The following PXDNL variants were observed in gnomAD, a reference collection of about 807,000 sequenced individuals.
PXDNL encodes peroxidasin like, also known as probable oxidoreductase PXDNL.
In PXDNL, 145 loss-of-function variants were observed where a neutral mutation model predicts 150.8. The ratio of observed to expected loss-of-function variants is 0.96; its 90% CI spans 0.84 to 1.10. The LOEUF is 1.10. PXDNL is among the 50% of genes least tolerant of loss of function. The pLI is 0.00. For synonymous variants in PXDNL, 757 were observed against 725.7 expected (o/e 1.04, Z -0.69); for missense variants, 2,087 against 1,873.9 (o/e 1.11, Z -2.10).
chr8:51,377,907 G>C (rs1217829301), intron 17 of PXDNL, among the ~76,000 whole-genome samples: 1 of 152,252 alleles, frequency 6.6e-6, no homozygotes, highest in Non-Finnish European at 1.5e-5. Context: ...AGGAGTGCAG[G>C]AGCAGAGCAG....
intron 1 of PXDNL, among the ~76,000 whole-genome samples, chr8:51,660,333 C>G (rs1202051495): frequency 1.3e-5 from 2 of 152,216 alleles, no homozygotes; most frequent in Admixed American, 1.3e-4. Flanking sequence ...CAAGTCTGAA[C>G]TTGAGCCCCT....
intron 12 of PXDNL, among the ~76,000 whole-genome samples, 165 bp from the exon 13 acceptor site, chr8:51,426,923 G>A (rs1809120558): frequency 6.6e-6 from 1 of 152,156 alleles, no homozygotes; most frequent in Non-Finnish European, 1.5e-5. Flanking sequence ...ATCACACCCA[G>A]GCTGGCGGCA....
chr8:51,400,675 T>C (rs1445765572), intron 17 of PXDNL, among the ~76,000 whole-genome samples: 1 of 152,202 alleles, frequency 6.6e-6, no homozygotes, highest in Non-Finnish European at 1.5e-5. Context: ...TGCAGGTCTA[T>C]AGTGTTGACA....
At chr8:51,781,207 G>T (rs1230199776) in intron 1 of PXDNL, among the ~76,000 whole-genome samples, 4 of 152,086 alleles carry the variant, frequency 2.6e-5, no homozygotes, top group Non-Finnish European at 4.4e-5. Flanking sequence ...TAAATCAGAA[G>T]GCTGTTTCCT....
intron 20 of PXDNL, among the ~76,000 whole-genome samples, chr8:51,340,417 A>G (rs1037138462): frequency 6.6e-6 from 1 of 152,256 alleles, no homozygotes; most frequent in Non-Finnish European, 1.5e-5. Flanking sequence ...ATTGTTAAAA[A>G]TATTTTTAGA....
At chr8:51,682,761 A>T (rs1815780569) in intron 1 of PXDNL, among the ~76,000 whole-genome samples, 1 of 152,118 alleles carries the variant, frequency 6.6e-6, no homozygotes, top group Non-Finnish European at 1.5e-5. Flanking sequence ...AGAGAGAGAG[A>T]AAGTTGTATG....
intron 2 of PXDNL, among the ~76,000 whole-genome samples, chr8:51,644,970 C>T (rs991516951): frequency 6.6e-6 from 1 of 150,744 alleles, no homozygotes; most frequent in South Asian, 2.1e-4. Context: ...TACATGGAGA[C>T]ATAAAAGAGA....
chr8:51,420,887 A>G (rs11783981), intron 14 of PXDNL, among the ~76,000 whole-genome samples: 82,147 of 152,002 alleles, frequency 0.54, 26,172 homozygotes, highest in Non-Finnish European at 0.7. Flanking sequence ...ACAGGGTTTC[A>G]CTATGTTGGC....
At chr8:51,326,475 G>A (rs2130622938) in intron 21 of PXDNL, among the ~76,000 whole-genome samples, 1 of 152,308 alleles carries the variant, frequency 6.6e-6, no homozygotes, top group South Asian at 2.1e-4. Context: ...TCTAGCCTGG[G>A]TGAGTGAGAC....
intron 4 of PXDNL, among the ~76,000 whole-genome samples, chr8:51,542,159 A>G (rs975441962): frequency 2.7e-5 from 4 of 149,972 alleles, no homozygotes; most frequent in South Asian, 2.2e-4. Context: ...GGGGGAAAAA[A>G]AGGAGTATCC....
chr8:51,419,004 G>C (rs983085441), intron 14 of PXDNL, among the ~76,000 whole-genome samples: 1 of 152,182 alleles, frequency 6.6e-6, no homozygotes, highest in Non-Finnish European at 1.5e-5. Flanking sequence ...AAGATAAATC[G>C]TGAGGGCTCA....
At chr8:51,663,711 C>T (rs1815323761) in intron 1 of PXDNL, among the ~76,000 whole-genome samples, 1 of 152,044 alleles carries the variant, frequency 6.6e-6, no homozygotes, top group African/African-American at 2.4e-5. Flanking sequence ...CCTGGTTCTA[C>T]CAGCAGGTGT....
At chr8:51,498,209 C>T (rs1197969684) in intron 5 of PXDNL, among the ~76,000 whole-genome samples, 1 of 148,656 alleles carries the variant, frequency 6.7e-6, no homozygotes. Flanking sequence ...CATGTTGTCA[C>T]TCATAGGTGG....
chr8:51,476,901 A>G (rs895488930), intron 6 of PXDNL, among the ~76,000 whole-genome samples: 4 of 152,244 alleles, frequency 2.6e-5, no homozygotes, highest in African/African-American at 9.6e-5. Context: ...ACTTTTAATC[A>G]AAATTATTCA....
intron 3 of PXDNL, among the ~76,000 whole-genome samples, chr8:51,587,979 G>T (rs561673121): frequency 6.6e-6 from 1 of 152,250 alleles, no homozygotes; most frequent in East Asian, 1.9e-4. Context: ...AACTTTTGTG[G>T]TATATGCAAT....
At chr8:51,323,935 TAAAATAAA>T (rs1327464419) in intron 21 of PXDNL, among the ~76,000 whole-genome samples, 3 of 132,218 alleles carry the variant, frequency 2.3e-5, no homozygotes, top group Non-Finnish European at 4.7e-5. Flanking sequence ...TAAAATAAAA[TAAAATAAA>T]AAAATAAAAA....
At chr8:51,358,169 A>C (rs1806579386) in intron 19 of PXDNL, among the ~76,000 whole-genome samples, 3 of 152,206 alleles carry the variant, frequency 2.0e-5, no homozygotes, top group Admixed American at 1.3e-4. Context: ...TATAAGATTA[A>C]AAATGAAACC....
chr8:51,530,482 A>G (rs1811875038), intron 4 of PXDNL, among the ~76,000 whole-genome samples: 1 of 152,118 alleles, frequency 6.6e-6, no homozygotes, highest in African/African-American at 2.4e-5. Context: ...CAGATCTGTC[A>G]TTGCTCAGCT....
chr8:51,516,870 C>T (rs533912493), intron 4 of PXDNL, among the ~76,000 whole-genome samples: 1 of 152,302 alleles, frequency 6.6e-6, no homozygotes, highest in African/African-American at 2.4e-5. Context: ...CCTACTTCAA[C>T]ACCAAAGCCT....
Sources: gnomAD v4.1 joint callset for allele counts (sites outside exome capture counted in the v4.1 genomes callset) on GRCh38, gnomAD v4.1.1 for gene constraint, MANE v1.5 for transcripts, NCBI Gene and HGNC (gene_info 2026-07-23, HGNC 2026-07-21) for gene names.